The following DDIT3 variants were observed in gnomAD, a reference collection of about 807,000 sequenced individuals.
DDIT3 encodes DNA damage-inducible transcript 3 protein.
Under a neutral mutation model 17.6 loss-of-function variants are expected in DDIT3, and 14 were observed. The ratio of observed to expected loss-of-function variants is 0.80; its 90% CI spans 0.53 to 1.25. The LOEUF (loss-of-function observed/expected upper bound fraction) is 1.25. DDIT3 is among the 50% of genes most tolerant of loss of function. The pLI, the probability that DDIT3 is intolerant of heterozygous loss-of-function variation, is 0.00. For missense variants in DDIT3, 216 were observed against 202.7 expected (o/e 1.07, Z -0.40); for synonymous variants, 93 against 76.5 (o/e 1.22, Z -1.13).
Position 57,517,196 on chromosome 12 carries a change from G to GA in DDIT3, c.139-17dup. The GA allele has an allele frequency of 6.2e-7, 1 of 1,608,546 alleles. No individual in the cohort carries two copies. The highest frequency in any genetic ancestry group is 8.5e-7 in the Non-Finnish European group (1 of 1,175,908). Reference sequence around the variant, plus strand: ...TTGATTCTTCCTTCAAGGAAATGAGGAAAGGGAACATAGATATTAGTTGAG... The same window carrying GA: ...TTGATTCTTCCTTCAAGGAAATGAGGAAAAGGGAACATAGATATTAGTTGAG... On this transcript the variant is annotated splice_polypyrimidine_tract_variant and intron_variant, in intron 3 of 3. Coordinates refer to ENST00000346473, the MANE Select transcript of DDIT3 (RefSeq NM_004083.6).
At chr12:57,518,184 T>A (rs1455839815) in intron 1 of DDIT3, among the ~76,000 whole-genome samples, 2 of 152,162 alleles carry the variant, frequency 1.3e-5, no homozygotes, top group African/African-American at 4.8e-5. Context: ...GGGGTATGCA[T>A]ACTTGGTCCC....
chr12:57,517,971 C>T lies in DDIT3; in HGVS notation c.-80-218G>A, dbSNP rs758089479. Among the ~76,000 whole-genome samples the T allele has an allele frequency of 2.6e-5, 4 of 152,106 alleles. 1 individual carries two copies. Among genetic ancestry groups the T allele is most frequent in the South Asian group, 4.1e-4 (2 of 4,826 alleles). ...CCTCCCGAGTAGCTGGGACTACAGG[C>T]GCGTGCCACCACGCCCAGCTAATTT... On this transcript the variant is annotated intron_variant, in intron 1 of 3. Transcript: ENST00000346473.
At chr12:57,520,110 C>G (rs1432356904) in intron 1 of DDIT3, among the ~76,000 whole-genome samples, 1 of 152,224 alleles carries the variant, frequency 6.6e-6, no homozygotes, top group Non-Finnish European at 1.5e-5. Flanking sequence ...TGCCTCCCCG[C>G]GGACAGGCCT....
At chr12:57,517,938 T>C (rs28382848) in intron 1 of DDIT3, among the ~76,000 whole-genome samples, 185 bp from the exon 2 acceptor site, 50 of 152,230 alleles carry the variant, frequency 3.3e-4, no homozygotes, top group Middle Eastern at 6.8e-3. Flanking sequence ...GTGATTCTTC[T>C]GCCTCGGCCT....
chr12:57,518,771 G>T (rs1048904412), intron 1 of DDIT3, among the ~76,000 whole-genome samples: 4 of 152,178 alleles, frequency 2.6e-5, no homozygotes, highest in Non-Finnish European at 4.4e-5. Context: ...CGATTCTCCT[G>T]CTTCAGCCTC....
chr12:57,519,281 G>A (rs1370751483), intron 1 of DDIT3: 2 of 508,064 alleles, frequency 3.9e-6, no homozygotes, highest in Admixed American at 4.2e-5. Flanking sequence ...ACCACCTGAT[G>A]TAACACTCTG....
chr12:57,518,009 CAG>C (rs1294046064), intron 1 of DDIT3, among the ~76,000 whole-genome samples: 1 of 151,948 alleles, frequency 6.6e-6, no homozygotes, highest in Non-Finnish European at 1.5e-5. Context: ...GTGTTTTTAG[CAG>C]AGATAGGGTT....
chr12:57,519,947 C>T (rs1051157079), intron 1 of DDIT3, among the ~76,000 whole-genome samples: 2 of 152,226 alleles, frequency 1.3e-5, no homozygotes, highest in East Asian at 3.9e-4. Context: ...TCCAGTAGCC[C>T]CAGCTACCAA....
intron 1 of DDIT3, 95 bp downstream of exon 1, chr12:57,520,323 A>G (rs1000576589): frequency 1.0e-5 from 4 of 398,108 alleles, no homozygotes; most frequent in Non-Finnish European, 1.8e-5. Context: ...ACGGTCCCTA[A>G]CTTCACTGTG....
chr12:57,517,363 C>A lies in DDIT3; in HGVS notation c.44G>T (p.Ser15Ile). 1 of 1,613,402 alleles carries A rather than the reference C, an allele frequency of 6.2e-7. No homozygotes were observed. Among genetic ancestry groups the A allele is most frequent in the Non-Finnish European group, 8.5e-7 (1 of 1,180,038 alleles). ...CTCATACCAGGCTTCCAGCTCCCAG[C>A]TGGACAGTGTCCCGAAGGAGAAAGG... is the stretch of plus-strand genomic sequence containing the variant. Reference protein sequence around the residue: ...SLPFSFGTLSSWELEAWYEDL... With the variant: ...SLPFSFGTLSIWELEAWYEDL... Residue 15 changes from serine (S) to isoleucine (I), a missense_variant, in exon 3 of 4, where the codon AGC becomes ATC. Coordinates refer to ENST00000346473, the MANE Select transcript of DDIT3 (RefSeq NM_004083.6).
At chr12:57,520,054 G>A (rs1364150671) in intron 1 of DDIT3, among the ~76,000 whole-genome samples, 1 of 152,252 alleles carries the variant, frequency 6.6e-6, no homozygotes, top group Non-Finnish European at 1.5e-5. Flanking sequence ...GAAACGGCCT[G>A]AGCGATGGTC....
In DDIT3 at chr12:57,520,180, C is replaced by T. The variant is rs28382841; in HGVS notation, c.-81+238G>A. Among the ~76,000 whole-genome samples the T allele has an allele frequency of 1.3e-3, 195 of 152,340 alleles. 5 individuals are homozygous for T. In the East Asian group the frequency reaches 0.027, roughly 21 times the overall value. Reference sequence around the variant, plus strand: ...TGAATTTCCCAAGGGCAACCGAGGTCCCTTTGCCCAGCAGCACAGAGCAGG... The same window carrying T: ...TGAATTTCCCAAGGGCAACCGAGGTTCCTTTGCCCAGCAGCACAGAGCAGG... On this transcript the variant is annotated intron_variant, in intron 1 of 3. Coordinates refer to ENST00000346473, the MANE Select transcript of DDIT3 (RefSeq NM_004083.6).
At chr12:57,519,459 G>C (rs1878127476) in intron 1 of DDIT3, among the ~76,000 whole-genome samples, 1 of 152,142 alleles carries the variant, frequency 6.6e-6, no homozygotes, top group Non-Finnish European at 1.5e-5. Context: ...TTAAGTATTT[G>C]TTAAGAATGA....
At chr12:57,517,234 A>AC in intron 3 of DDIT3, 35 bp downstream of exon 3, 1 of 1,612,384 alleles carries the variant, frequency 6.2e-7, no homozygotes, top group Non-Finnish European at 8.5e-7. Context: ...GGGAAAGGTA[A>AC]CATCCCCCTT....
Position 57,520,480 on chromosome 12 carries a change from T to C in DDIT3, c.-143A>G, listed in dbSNP as rs1878228183. ...CGCTGCCACCCGCTCATCTTTAACA[T>C]GATACGCTCAGTGCCTTAGACTTAA... On this transcript the variant is annotated 5_prime_UTR_variant, in exon 1 of 4. It removes an upstream start codon present in the reference 5' UTR. Transcript: ENST00000346473. 4 of 398,664 alleles carry C rather than the reference T, an allele frequency of 1.0e-5. No individual in the cohort carries two copies. The highest frequency in any genetic ancestry group is 1.3e-4 in the South Asian group (1 of 7,874). The allele number at this position is 398,664 out of a possible 1,614,324, so 24.7% of individuals were successfully genotyped here.
In DDIT3 at chr12:57,516,619, G is replaced by A. The variant is rs750559974; in HGVS notation, c.*190C>T. 1.3e-6 allele frequency: 2 copies of A among 1,542,818 alleles called. No homozygotes were observed. Among genetic ancestry groups the A allele is most frequent in the Non-Finnish European group, 8.7e-7 (1 of 1,150,810 alleles). On this transcript the variant is annotated 3_prime_UTR_variant, in exon 4 of 4. Coordinates refer to ENST00000346473, the MANE Select transcript of DDIT3 (RefSeq NM_004083.6). ...CATAGAAAGTCACTTTAATAGATAG[G>A]GACAGTAATAAATAAATGTACAATC...
rs927360273 is a variant in DDIT3 at position 57,519,062 on chromosome 12, C to G, written c.-80-1309G>C. The G allele has an allele frequency of 5.7e-6, 3 of 527,194 alleles. No individual in the cohort carries two copies. In the African/African-American group the frequency reaches 5.8e-5, roughly 10 times the overall value. The allele number at this position is 527,194 out of a possible 1,614,324, so 32.7% of individuals were successfully genotyped here. ...AATCTAGATCAATTCACTACCATCTCTAAATTACTGCAGAAACTTTCTGAC... is the reference window on the plus strand; with the variant it reads ...AATCTAGATCAATTCACTACCATCTGTAAATTACTGCAGAAACTTTCTGAC... On this transcript the variant is annotated intron_variant, in intron 1 of 3. Coordinates refer to ENST00000346473, the MANE Select transcript of DDIT3 (RefSeq NM_004083.6).
At position 57,516,813 on chromosome 12, in the gene DDIT3, G is replaced by A; in HGVS notation, c.506C>T (p.Ala169Val). 1 of 1,609,960 alleles carries A rather than the reference G, an allele frequency of 6.2e-7. No homozygotes were observed. The highest frequency in any genetic ancestry group is 8.5e-7 in the Non-Finnish European group (1 of 1,179,750). Residue 169 changes from alanine to valine, a missense_variant, in exon 4 of 4, where the codon GCA (alanine) becomes GTA (valine). By Grantham distance (64) the Ala-to-Val change is moderately conservative. Transcript: ENST00000346473. ...GGGACTGATGCTCCCAATTGTTCAT[G>A]CTTGGTGCAGATTCACCATTCGGTC... Reference protein sequence around the residue: ...LIDRMVNLHQA With the variant: ...LIDRMVNLHQV
intron 1 of DDIT3, among the ~76,000 whole-genome samples, 198 bp downstream of exon 1, chr12:57,520,220 T>G (rs1202155692): frequency 6.6e-6 from 1 of 152,070 alleles, no homozygotes; most frequent in Non-Finnish European, 1.5e-5. Context: ...GTGTTCCGGC[T>G]CCGGGCAGGG....
Sources: gnomAD v4.1 joint callset for allele counts (sites outside exome capture counted in the v4.1 genomes callset) on GRCh38, gnomAD v4.1.1 for gene constraint, MANE v1.5 for transcripts, NCBI Gene and HGNC (gene_info 2026-07-23, HGNC 2026-07-21) for gene names.